DSCAM: variants seen among roughly 807,000 people sequenced by gnomAD.
The protein encoded by DSCAM is DS cell adhesion molecule.
Under a neutral mutation model 217.7 loss-of-function variants are expected in DSCAM, and 47 were observed. The ratio of observed to expected loss-of-function variants is 0.22; its 90% CI spans 0.17 to 0.28. The LOEUF (loss-of-function observed/expected upper bound fraction) is 0.28, where lower values mean the gene tolerates loss of function less well. Ranked by LOEUF, DSCAM falls within the 10% of genes least tolerant of loss-of-function variation. The pLI, the probability that DSCAM is intolerant of heterozygous loss-of-function variation, is 1.00. For synonymous variants in DSCAM, 1,056 were observed against 1,015.3 expected, an observed-to-expected ratio of 1.04 and a Z score of -0.76; for missense variants, 2,080 against 2,618.3, an observed-to-expected ratio of 0.79 and a Z score of 4.49.
At chr21:40,428,697 T>C (rs899208000) in intron 3 of DSCAM, among the ~76,000 whole-genome samples, 2 of 152,094 alleles carry the variant, frequency 1.3e-5, no homozygotes, top group Non-Finnish European at 2.9e-5. Flanking sequence ...ACTAATTCCC[T>C]CTAGAGCAAA....
In DSCAM at chr21:40,124,277, A is replaced by G; in HGVS notation, c.3614T>C (p.Val1205Ala). 1 of 1,613,844 alleles carries G rather than the reference A, an allele frequency of 6.2e-7. No homozygotes were observed. The highest frequency in any genetic ancestry group is 1.1e-5 in the South Asian group (1 of 91,054). ...VKAAAASASM[V>A]FVSWLPPLKL... ...GAGAGGGGGAAGCCAGGACACAAAG[A>G]CCATGGAGGCTGAGGCCGCCGCTGC... The change falls in exon 20 of 33, where the codon GTC becomes GCC. Residue 1205 changes from valine to alanine, a missense_variant. Val to Ala is a moderately conservative substitution (Grantham distance 64, BLOSUM62 0). This residue lies in a region of DSCAM where 1,144 missense variants were observed against 1,421.1 expected (regional missense o/e 0.81). Transcript: ENST00000400454.
chr21:40,292,801 G>T (rs986023650), intron 10 of DSCAM, among the ~76,000 whole-genome samples: 17 of 151,794 alleles, frequency 1.1e-4, no homozygotes, highest in Non-Finnish European at 2.1e-4. Flanking sequence ...GGAGTGCAGT[G>T]GCGTGATCTC....
intron 9 of DSCAM, among the ~76,000 whole-genome samples, chr21:40,310,179 T>G (rs984659114): frequency 6.6e-6 from 1 of 152,222 alleles, no homozygotes; most frequent in African/African-American, 2.4e-5. Context: ...CAACAAAGTT[T>G]GAGAACCACT....
At chr21:40,241,946 T>C (rs28699265) in intron 11 of DSCAM, among the ~76,000 whole-genome samples, 6,396 of 152,174 alleles carry the variant, frequency 0.042, 174 homozygotes, top group Non-Finnish European at 0.065. Flanking sequence ...AGCTAAATGA[T>C]GAGAACTTAT....
At chr21:40,772,632 G>T (rs771189513) in intron 1 of DSCAM, among the ~76,000 whole-genome samples, 3 of 152,136 alleles carry the variant, frequency 2.0e-5, no homozygotes, top group Admixed American at 6.5e-5. Context: ...TGCCTGTCTT[G>T]GTTTGGTGGC....
At chr21:40,631,569 C>A (rs1248621705) in intron 3 of DSCAM, among the ~76,000 whole-genome samples, 1 of 152,174 alleles carries the variant, frequency 6.6e-6, no homozygotes, top group Non-Finnish European at 1.5e-5. Context: ...TTTGTCCTGT[C>A]CCTCAGGCCC....
chr21:40,277,707 C>G (rs1313202976), intron 10 of DSCAM, among the ~76,000 whole-genome samples: 1 of 147,920 alleles, frequency 6.8e-6, no homozygotes, highest in Non-Finnish European at 1.5e-5. Flanking sequence ...GATTTCGGCT[C>G]ACTGCAACTT....
chr21:40,131,572 CCCA>C (rs1191682608), intron 19 of DSCAM, among the ~76,000 whole-genome samples: 1 of 152,112 alleles, frequency 6.6e-6, no homozygotes, highest in African/African-American at 2.4e-5. Flanking sequence ...ATTAGAGGTG[CCCA>C]CCACCACACC....
chr21:40,746,638 C>T (rs1300552664), intron 1 of DSCAM, among the ~76,000 whole-genome samples: 2 of 151,752 alleles, frequency 1.3e-5, no homozygotes, highest in Non-Finnish European at 3.0e-5. Context: ...TTTAATACCC[C>T]TACTTTCAGC....
At chr21:40,487,261 C>G (rs2076036558) in intron 3 of DSCAM, among the ~76,000 whole-genome samples, 1 of 150,984 alleles carries the variant, frequency 6.6e-6, no homozygotes, top group Non-Finnish European at 1.5e-5. Context: ...CTCTCCCTCT[C>G]TCTCTCTCTC....
chr21:40,061,645 A>T (rs1276681071), intron 28 of DSCAM, among the ~76,000 whole-genome samples: 2 of 152,104 alleles, frequency 1.3e-5, no homozygotes, highest in Non-Finnish European at 2.9e-5. Flanking sequence ...CATTGTTTTG[A>T]AATACGGTAT....
intron 3 of DSCAM, among the ~76,000 whole-genome samples, chr21:40,378,268 T>C (rs2036003351): frequency 6.6e-6 from 1 of 152,180 alleles, no homozygotes; most frequent in African/African-American, 2.4e-5. Context: ...TAAATTAAAA[T>C]GAGAGATTCT....
At chr21:40,751,910 G>A (rs577340157) in intron 1 of DSCAM, among the ~76,000 whole-genome samples, 1 of 152,186 alleles carries the variant, frequency 6.6e-6, no homozygotes, top group South Asian at 2.1e-4. Flanking sequence ...TAATATAAAT[G>A]ACCCCATCCC....
chr21:40,245,165 G>A (rs1391853667), intron 11 of DSCAM, among the ~76,000 whole-genome samples: 21 of 152,222 alleles, frequency 1.4e-4, no homozygotes, highest in Admixed American at 1.4e-3. Flanking sequence ...TGGCACTTGT[G>A]TCTTACGGCT....
intron 5 of DSCAM, among the ~76,000 whole-genome samples, chr21:40,348,871 G>T (rs1166256053): frequency 6.6e-6 from 1 of 152,044 alleles, no homozygotes; most frequent in Non-Finnish European, 1.5e-5. Flanking sequence ...GCCAGGCATG[G>T]TGGCTCACAC....
intron 3 of DSCAM, among the ~76,000 whole-genome samples, chr21:40,559,859 C>T (rs1329704946): frequency 1.4e-5 from 2 of 144,210 alleles, no homozygotes; most frequent in African/African-American, 2.6e-5. Context: ...GTGGCGCGAT[C>T]TCGGCTCACT....
chr21:40,626,568 A>T (rs1159335774), intron 3 of DSCAM, among the ~76,000 whole-genome samples: 1 of 152,188 alleles, frequency 6.6e-6, no homozygotes, highest in Non-Finnish European at 1.5e-5. Context: ...GATCTGAATC[A>T]TGTCTCTAGT....
chr21:40,676,451 T>C (rs2090339302), intron 3 of DSCAM, among the ~76,000 whole-genome samples: 2 of 152,236 alleles, frequency 1.3e-5, no homozygotes, highest in African/African-American at 4.8e-5. Flanking sequence ...CAATAGGATG[T>C]TCAGGTTTTC....
intron 3 of DSCAM, among the ~76,000 whole-genome samples, chr21:40,622,941 A>G (rs1368758455): frequency 6.6e-6 from 1 of 152,124 alleles, no homozygotes; most frequent in Non-Finnish European, 1.5e-5. Context: ...GACCTAATAA[A>G]CAAACATCAC....
Sources: allele counts gnomAD v4.1 joint callset (sites outside exome capture counted in the v4.1 genomes callset), GRCh38; gene constraint gnomAD v4.1.1; regional missense constraint gnomAD v4.1.1; transcripts MANE v1.5; gene names NCBI Gene and HGNC (gene_info 2026-07-23, HGNC 2026-07-21).